The following STAG2 variants were observed in gnomAD, a reference collection of about 807,000 sequenced individuals.
STAG2 encodes cohesin subunit SA-2.
STAG2 carries 14 observed loss-of-function variants against 108.1 expected under a neutral mutation model. The observed-to-expected ratio is 0.13, with a 90% confidence interval of 0.09 to 0.20. The LOEUF is 0.20. STAG2 is among the 10% of genes least tolerant of loss of function. STAG2 has a pLI of 1.00. For synonymous variants in STAG2, 307 were observed against 302.7 expected, an observed-to-expected ratio of 1.01 and a Z score of -0.15; for missense variants, 440 against 940.9, an observed-to-expected ratio of 0.47 and a Z score of 6.96.
chrX:124,090,837 T>TA lies in STAG2; in HGVS notation c.3468-13dup, dbSNP rs776762836. ...AGAAAAAGTTAAGTTAAAAGAGGAATAAAATTCTCCTTGAAGCACGCAGGT... is the reference window on the plus strand; with the variant it reads ...AGAAAAAGTTAAGTTAAAAGAGGAATAAAAATTCTCCTTGAAGCACGCAGGT... On this transcript the variant is annotated splice_polypyrimidine_tract_variant and intron_variant, in intron 31 of 34. Coordinates refer to ENST00000371145, the MANE Select transcript of STAG2 (RefSeq NM_001042750.2). 1 of 1,206,025 alleles carries TA rather than the reference T, an allele frequency of 8.3e-7. No individual in the cohort carries two copies. The highest frequency in any genetic ancestry group is 1.1e-6 in the Non-Finnish European group (1 of 891,606).
intron 32 of STAG2, among the ~76,000 whole-genome samples, chrX:124,093,471 TC>T (rs1427606822): frequency 2.0e-5 from 2 of 99,300 alleles, no homozygotes; most frequent in African/African-American, 7.1e-5. Flanking sequence ...GTCTTATTCA[TC>T]TTTTTTTTTT....
At chrX:124,056,714 C>A (rs1354269344) in intron 14 of STAG2, among the ~76,000 whole-genome samples, 1 of 70,901 alleles carries the variant, frequency 1.4e-5, no homozygotes, top group Non-Finnish European at 2.4e-5. Context: ...GCCTGGGCGA[C>A]AGAGCGAGAC....
chrX:124,092,494 A>G (rs2059276248), intron 32 of STAG2, among the ~76,000 whole-genome samples: 1 of 111,887 alleles, frequency 8.9e-6, no homozygotes. Flanking sequence ...ACCAGTTCCT[A>G]AGATCCTATA....
chrX:124,067,284 C>T (rs1176160623), intron 23 of STAG2, among the ~76,000 whole-genome samples: 8 of 97,299 alleles, frequency 8.2e-5, no homozygotes, highest in African/African-American at 2.3e-4. Flanking sequence ...CCCCCACCAC[C>T]TTCTGAGGCA....
At chrX:124,056,896 C>CT (rs11325586) in intron 14 of STAG2, among the ~76,000 whole-genome samples, 59 of 94,129 alleles carry the variant, frequency 6.3e-4, no homozygotes, top group South Asian at 1.0e-3. Flanking sequence ...TATAATTAGG[C>CT]TTTTTTTTTT....
intron 25 of STAG2, among the ~76,000 whole-genome samples, chrX:124,073,221 T>A (rs1179876825): frequency 1.8e-5 from 2 of 111,733 alleles, no homozygotes; most frequent in Non-Finnish European, 3.8e-5. Flanking sequence ...CTAAAACGTC[T>A]ATGAGAAAGT....
intron 25 of STAG2, among the ~76,000 whole-genome samples, chrX:124,072,806 T>G (rs1453745020): frequency 9.2e-6 from 1 of 109,255 alleles, no homozygotes; most frequent in East Asian, 2.8e-4. Flanking sequence ...GTTCAAATGG[T>G]TTTCCTGCCT....
intron 1 of STAG2, among the ~76,000 whole-genome samples, chrX:124,017,451 C>G (rs891501483): frequency 9.0e-6 from 1 of 111,219 alleles, no homozygotes. Flanking sequence ...ACCTCGTGAT[C>G]TGCCCGCCTC....
rs112336660 is a variant in STAG2 at position 124,034,878 on chromosome X, G to GTTA, written c.289-2623_289-2621dup. On this transcript the variant is annotated intron_variant, in intron 5 of 34. Coordinates refer to ENST00000371145, the MANE Select transcript of STAG2 (RefSeq NM_001042750.2). ...AGTAGTTGTTGTTGTTGTTGTTGTT[G>GTTA]TTATTATTATTATTATTATTATTAT... Among the ~76,000 whole-genome samples, 792 of 83,881 alleles carry GTTA rather than the reference G, an allele frequency of 9.4e-3. 5 individuals carry two copies. Among genetic ancestry groups the GTTA allele is most frequent in the African/African-American group, 0.03 (708 of 23,837 alleles). The allele number at this position is 83,881 out of a possible 115,157, so 72.8% of individuals were successfully genotyped here.
intron 13 of STAG2, among the ~76,000 whole-genome samples, chrX:124,052,915 C>T (rs1427215115): frequency 9.2e-6 from 1 of 109,250 alleles, no homozygotes; most frequent in Non-Finnish European, 1.9e-5. Flanking sequence ...CTCCCGGGTT[C>T]AAGCGATTCC....
intron 11 of STAG2, 113 bp from the exon 12 acceptor site, chrX:124,051,008 A>G (rs2058021365): frequency 2.2e-6 from 1 of 452,837 alleles, no homozygotes; most frequent in Non-Finnish European, 3.7e-6. Context: ...ATGCTATGGT[A>G]TGAAACATTT....
chrX:123,974,824 G>A (rs1405980126), intron 1 of STAG2, among the ~76,000 whole-genome samples: 2 of 110,455 alleles, frequency 1.8e-5, no homozygotes, highest in African/African-American at 6.6e-5. Context: ...TGATCCGCCC[G>A]CCTTGGCCTC....
At chrX:124,019,070 T>TA (rs2056833680) in intron 1 of STAG2, among the ~76,000 whole-genome samples, 1 of 102,005 alleles carries the variant, frequency 9.8e-6, no homozygotes, top group African/African-American at 3.6e-5. Flanking sequence ...TTTTTTTTTT[T>TA]TTTTATTTAA....
intron 2 of STAG2, among the ~76,000 whole-genome samples, chrX:124,021,972 C>T (rs1020298319): frequency 9.9e-5 from 11 of 110,830 alleles, no homozygotes; most frequent in African/African-American, 2.6e-4. Flanking sequence ...TAAAGCCAGG[C>T]GGAGAATCAC....
intron 1 of STAG2, among the ~76,000 whole-genome samples, chrX:124,017,141 C>T (rs188704728): frequency 1.8e-5 from 2 of 110,644 alleles, no homozygotes; most frequent in East Asian, 5.6e-4. Flanking sequence ...TCTGGGGAAC[C>T]TTGTTAGTGA....
chrX:123,960,739 T>C (rs2053812306), upstream of STAG2: 1 of 100,716 alleles, frequency 9.9e-6, no homozygotes, highest in Admixed American at 1.1e-4. Context: ...TTCGAGGGTG[T>C]AAAGAAGAGG....
chrX:124,013,308 CACACACACACACACAA>C (rs2056584287), intron 1 of STAG2, among the ~76,000 whole-genome samples: 1 of 96,886 alleles, frequency 1.0e-5, no homozygotes, highest in Admixed American at 1.1e-4. Flanking sequence ...TATACACATG[CACACACACACACACAA>C]ACACACACAC....
At chrX:124,060,159 C>T (rs1046879849) in intron 15 of STAG2, among the ~76,000 whole-genome samples, 59 of 111,813 alleles carry the variant, frequency 5.3e-4, no homozygotes, top group African/African-American at 1.7e-3. Context: ...TACAAAGTCT[C>T]GCTCTATTGC....
At chrX:124,041,036 T>G (rs750739663) in intron 6 of STAG2, among the ~76,000 whole-genome samples, 6 of 106,803 alleles carry the variant, frequency 5.6e-5, no homozygotes, top group African/African-American at 2.0e-4. Flanking sequence ...TTTTTAGTAG[T>G]GACGGGGTTT....
Sources: allele counts gnomAD v4.1 joint callset (sites outside exome capture counted in the v4.1 genomes callset), GRCh38; gene constraint gnomAD v4.1.1; transcripts MANE v1.5; gene names NCBI Gene and HGNC (gene_info 2026-07-23, HGNC 2026-07-21).